The following LIM2 variants were observed in gnomAD, a reference collection of about 807,000 sequenced individuals.
LIM2 encodes the protein lens intrinsic membrane protein 2.
A neutral mutation model predicts 19.0 loss-of-function variants in LIM2; 14 were observed. That is an observed-to-expected ratio of 0.74 (90% CI 0.49 to 1.15). The LOEUF is 1.15. Ranked by LOEUF, LIM2 falls within the 50% of genes most tolerant of loss-of-function variation. The pLI is 0.00. For missense variants in LIM2, 230 were observed against 243.5 expected (o/e 0.94, Z 0.37); for synonymous variants, 78 against 89.6 (o/e 0.87, Z 0.73).
chr19:51,382,305 T>G (rs1599861394), intron 3 of LIM2, 113 bp downstream of exon 3: 5 of 1,162,632 alleles, frequency 4.3e-6, no homozygotes, highest in East Asian at 2.5e-5. Context: ...TAGGGTGGGG[T>G]GGGGTTGAGT....
intron 4 of LIM2, 119 bp downstream of exon 4, chr19:51,380,386 T>C (rs1160228880): frequency 5.1e-6 from 8 of 1,572,832 alleles, no homozygotes; most frequent in Non-Finnish European, 7.0e-6. Flanking sequence ...TCCATAGGCC[T>C]GGAGTCTTCC....
chr19:51,380,541 G>GGA lies in LIM2; in HGVS notation c.422_423dup (p.Leu142SerfsTer9). 1 of 1,614,206 alleles carries GGA rather than the reference G, an allele frequency of 6.2e-7. No homozygotes were observed. Among genetic ancestry groups the GGA allele is most frequent in the Non-Finnish European group, 8.5e-7 (1 of 1,180,048 alleles). ...GTCATGAGCACTGCCACCCAGCCCA[G>GGA]GATGTAGGACCAGGAAAAGCGCCAG... On this transcript the variant is annotated frameshift_variant, in exon 4 of 5. Transcript: ENST00000596399. LOFTEE classifies it high-confidence loss of function.
chr19:51,380,656 G>A lies in LIM2; in HGVS notation c.326-17C>T. 6.2e-7 allele frequency: 1 copy of A among 1,613,994 alleles called. No individual in the cohort carries two copies. Among genetic ancestry groups the A allele is most frequent in the Non-Finnish European group, 8.5e-7 (1 of 1,179,978 alleles). On this transcript the variant is annotated splice_polypyrimidine_tract_variant and intron_variant, in intron 3 of 4. Transcript: ENST00000596399. ...CGAAAAGGGCTGGGGAGAGAGGGCG[G>A]GAGGATGCAGGTGGGACTAAGGCTG... is the stretch of plus-strand genomic sequence containing the variant.
chr19:51,384,775 G>A (rs1396961119), intron 2 of LIM2, among the ~76,000 whole-genome samples: 1 of 152,090 alleles, frequency 6.6e-6, no homozygotes, highest in African/African-American at 2.4e-5. Context: ...TGGTCACAGC[G>A]GCTCAGGCCT....
chr19:51,379,984 C>G lies in LIM2; in HGVS notation c.*217G>C, dbSNP rs1285364109. 1 of 603,210 alleles carries G rather than the reference C, an allele frequency of 1.7e-6. No homozygotes were observed. Among genetic ancestry groups the G allele is most frequent in the East Asian group, 2.8e-5 (1 of 36,210 alleles). 37.4% of individuals were successfully genotyped at this position (603,210 alleles called of 1,614,324 possible). On this transcript the variant is annotated 3_prime_UTR_variant, in exon 5 of 5. Coordinates refer to ENST00000596399, the MANE Select transcript of LIM2 (RefSeq NM_001161748.2). ...TCCATTTTTCTAACAACCTGCCAGG[C>G]AGACGGGGACTTGAGTCTTCTCAGC...
At chr19:51,387,508 A>C in intron 1 of LIM2, 59 bp from the exon 2 acceptor site, 1 of 1,607,576 alleles carries the variant, frequency 6.2e-7, no homozygotes, top group Non-Finnish European at 8.5e-7. Context: ...GAAGGGAGGA[A>C]CTGGGGGGAG....
intron 1 of LIM2, 134 bp downstream of exon 1, chr19:51,387,785 T>C (rs972007960): frequency 5.5e-5 from 20 of 363,366 alleles, no homozygotes; most frequent in African/African-American, 8.4e-5. Flanking sequence ...GAGCCTGGAT[T>C]CCTGGGTGGT....
At chr19:51,380,755 G>T in intron 3 of LIM2, 116 bp from the exon 4 acceptor site, 2 of 1,223,232 alleles carry the variant, frequency 1.6e-6, no homozygotes, top group Admixed American at 4.0e-5. Context: ...GGTGGAAATG[G>T]GTTGGGGGTG....
At chr19:51,383,027 CTTTTTTTTTTTTTTTT>C (rs1163859181) in intron 2 of LIM2, among the ~76,000 whole-genome samples, 4 of 88,308 alleles carry the variant, frequency 4.5e-5, no homozygotes, top group African/African-American at 1.8e-4. Context: ...TTTTTCTTTT[CTTTTTTTTTTTTTTTT>C]TTTTTTTTTG....
In LIM2 at chr19:51,380,644, G is replaced by C; in HGVS notation, c.326-5C>G. 1.2e-6 allele frequency: 2 copies of C among 1,614,092 alleles called. No homozygotes were observed. Among genetic ancestry groups the C allele is most frequent in the Non-Finnish European group, 1.7e-6 (2 of 1,180,000 alleles). ...AGGCCAACACGACGAAAAGGGCTGG[G>C]GAGAGAGGGCGGGAGGATGCAGGTG... On this transcript the variant is annotated splice_region_variant and splice_polypyrimidine_tract_variant and intron_variant, in intron 3 of 4. Coordinates refer to ENST00000596399, the MANE Select transcript of LIM2 (RefSeq NM_001161748.2).
chr19:51,382,452 C>G lies in LIM2; in HGVS notation c.291G>C (p.Arg97=). ...AHQPTFSRIS[R]PFSAGIMFFS... is the part of the protein sequence containing the mutation. ...AAAACATGATGCCAGCAGAGAAGGG[C>G]CGGGAGATGCGGGAGAAGGTAGGCT... The change falls in exon 3 of 5, where the codon CGG becomes CGC. Residue 97 remains arginine, a synonymous_variant. Coordinates refer to ENST00000596399, the MANE Select transcript of LIM2 (RefSeq NM_001161748.2). 1 of 1,613,878 alleles carries G rather than the reference C, an allele frequency of 6.2e-7. No individual in the cohort carries two copies. The highest frequency in any genetic ancestry group is 8.5e-7 in the Non-Finnish European group (1 of 1,179,986).
rs368910667 is a variant in LIM2 at position 51,380,153 on chromosome 19, A to G, written c.*48T>C. On this transcript the variant is annotated 3_prime_UTR_variant, in exon 5 of 5. Coordinates refer to ENST00000596399, the MANE Select transcript of LIM2 (RefSeq NM_001161748.2). ...CCTCTAGACCCTCCTCCTCCTCTTC[A>G]GTGGCCTCACTTTAACTTCCAGATG... 20 of 1,570,564 alleles carry G rather than the reference A, an allele frequency of 1.3e-5. No homozygotes were observed. The highest frequency in any genetic ancestry group is 1.7e-5 in the Non-Finnish European group (19 of 1,142,908).
At chr19:51,385,739 G>A (rs1335749322) in intron 2 of LIM2, among the ~76,000 whole-genome samples, 1 of 152,178 alleles carries the variant, frequency 6.6e-6, no homozygotes, top group Non-Finnish European at 1.5e-5. Context: ...AGCGGACTCT[G>A]AAGCTGATGG....
chr19:51,380,782 T>C lies in LIM2; in HGVS notation c.326-143A>G, dbSNP rs112665499. On this transcript the variant is annotated intron_variant, in intron 3 of 4. Coordinates refer to ENST00000596399, the MANE Select transcript of LIM2 (RefSeq NM_001161748.2). ...TTGGGGGTGGGGATAGGAGTGAGGA[T>C]AGGGGTTGAGTTGAAATTAGGGGTA... The C allele has an allele frequency of 3.4e-5, 31 of 921,428 alleles. 1 individual carries two copies. The highest frequency in any genetic ancestry group is 2.7e-4 in the African/African-American group (16 of 59,380). The allele number at this position is 921,428 out of a possible 1,614,324, so 57.1% of individuals were successfully genotyped here.
At chr19:51,384,292 T>A (rs1191902532) in intron 2 of LIM2, among the ~76,000 whole-genome samples, 1 of 151,916 alleles carries the variant, frequency 6.6e-6, no homozygotes, top group Non-Finnish European at 1.5e-5. Flanking sequence ...TTAGCCAGGC[T>A]TGGTGGTGGG....
chr19:51,382,596 C>T, intron 2 of LIM2, 29 bp from the exon 3 acceptor site: 1 of 1,612,554 alleles, frequency 6.2e-7, no homozygotes, highest in Middle Eastern at 2.0e-4. Context: ...GTCATTCCCA[C>T]ACCTCCCCTG....
rs545751581 is a variant in LIM2 at position 51,386,687 on chromosome 19, G to A, written c.175+582C>T. Reference sequence around the variant, plus strand: ...AATTTATTATATAATAGAGGTGCATGTATAATACACTATACTGTATATTAT... The same window carrying A: ...AATTTATTATATAATAGAGGTGCATATATAATACACTATACTGTATATTAT... On this transcript the variant is annotated intron_variant, in intron 2 of 4. Coordinates refer to ENST00000596399, the MANE Select transcript of LIM2 (RefSeq NM_001161748.2). 5.0e-5 allele frequency among the ~76,000 whole-genome samples: 7 copies of A among 140,516 alleles called. 1 individual carries two copies. In the South Asian group the frequency reaches 1.5e-3, roughly 30 times the overall value. 92.2% of individuals were successfully genotyped at this position (140,516 alleles called of 152,430 possible).
intron 2 of LIM2, 119 bp downstream of exon 2, chr19:51,387,150 T>G (rs1987081532): frequency 6.3e-7 from 1 of 1,596,076 alleles, no homozygotes; most frequent in African/African-American, 1.3e-5. Context: ...GACCTTGGGT[T>G]GCTCCCTTTC....
intron 2 of LIM2, among the ~76,000 whole-genome samples, chr19:51,386,635 AT>A (rs1987055556): frequency 1.3e-5 from 2 of 148,790 alleles, no homozygotes; most frequent in South Asian, 4.2e-4. Flanking sequence ...TATGTAGCAT[AT>A]TATATACAAT....
Sources: gnomAD v4.1 joint callset for allele counts (sites outside exome capture counted in the v4.1 genomes callset) on GRCh38, gnomAD v4.1.1 for gene constraint, MANE v1.5 for transcripts, NCBI Gene and HGNC (gene_info 2026-07-23, HGNC 2026-07-21) for gene names.